Variants in MGMT observed in about 807,000 individuals in gnomAD.
MGMT encodes the protein O-6-methylguanine-DNA methyltransferase, also known as methylated-DNA--protein-cysteine methyltransferase.
MGMT carries 14 observed loss-of-function variants against 15.9 expected under a neutral mutation model. The observed-to-expected ratio is 0.88, with a 90% CI of 0.58 to 1.37. MGMT has a LOEUF of 1.37. MGMT is among the 40% of genes most tolerant of loss of function. The pLI is 0.00. For missense variants in MGMT, 282 were observed against 268.1 expected (o/e 1.05, Z -0.36); for synonymous variants, 130 against 118.2 (o/e 1.10, Z -0.65).
intron 1 of MGMT, among the ~76,000 whole-genome samples, chr10:129,520,884 C>T (rs1279093103): frequency 6.2e-5 from 9 of 144,924 alleles, no homozygotes; most frequent in African/African-American, 1.3e-4. Context: ...CCCTACAGTG[C>T]GGGTGCAGAG....
intron 3 of MGMT, among the ~76,000 whole-genome samples, chr10:129,738,774 A>G (rs1252403951): frequency 6.6e-6 from 1 of 152,246 alleles, no homozygotes; most frequent in Non-Finnish European, 1.5e-5. Context: ...AATGAATAGA[A>G]AAAGAGGGAA....
At chr10:129,489,806 T>C (rs1286210525) in intron 1 of MGMT, among the ~76,000 whole-genome samples, 1 of 152,184 alleles carries the variant, frequency 6.6e-6, no homozygotes, top group African/African-American at 2.4e-5. Flanking sequence ...AATTTTCATG[T>C]CATCTTTAAT....
intron 2 of MGMT, among the ~76,000 whole-genome samples, chr10:129,668,935 C>G (rs1847689895): frequency 6.6e-6 from 1 of 151,286 alleles, no homozygotes; most frequent in African/African-American, 2.4e-5. Flanking sequence ...TAATCTTTCC[C>G]AATCATGACT....
rs556530054 is a variant in MGMT at position 129,759,231 on chromosome 10, CTGCTGAAGGTTG to C, written c.307_318del (p.Leu103_Val106del). The C allele has an allele frequency of 1.1e-4, 178 of 1,614,202 alleles. 3 individuals carry two copies. In the South Asian group the frequency reaches 1.9e-3, roughly 17 times the overall value. ...GTTCACCAGACAGGTGTTATGGAAG[CTGCTGAAGGTTG>C]TGAAATTCGGAGAAGTGATTTCTTA... On this transcript the variant is annotated inframe_deletion, in exon 4 of 5. Coordinates refer to ENST00000651593, the MANE Select transcript of MGMT (RefSeq NM_002412.5).
chr10:129,614,334 C>T (rs933487165), intron 2 of MGMT, among the ~76,000 whole-genome samples: 2 of 152,188 alleles, frequency 1.3e-5, no homozygotes, highest in East Asian at 1.9e-4. Flanking sequence ...CACACCTGAT[C>T]GTCACAAGCC....
intron 2 of MGMT, among the ~76,000 whole-genome samples, chr10:129,652,352 G>A (rs573395382): frequency 8.1e-4 from 123 of 152,306 alleles, no homozygotes; most frequent in Admixed American, 1.9e-3. Context: ...CTTTGACAGC[G>A]AGGTGAGCTG....
chr10:129,684,385 A>G (rs1032832971), intron 2 of MGMT, among the ~76,000 whole-genome samples: 1 of 152,204 alleles, frequency 6.6e-6, no homozygotes, highest in African/African-American at 2.4e-5. Context: ...GGGCCATCCC[A>G]GCACGTGGTA....
chr10:129,713,053 C>T (rs563326345), intron 3 of MGMT, among the ~76,000 whole-genome samples: 2 of 152,170 alleles, frequency 1.3e-5, no homozygotes, highest in South Asian at 2.1e-4. Flanking sequence ...ACATAGATCA[C>T]GGCAGCACGC....
At chr10:129,650,668 A>G (rs1847446938) in intron 2 of MGMT, among the ~76,000 whole-genome samples, 1 of 152,166 alleles carries the variant, frequency 6.6e-6, no homozygotes, top group Non-Finnish European at 1.5e-5. Flanking sequence ...TCTGACAGGG[A>G]TCCTGCTCGA....
At chr10:129,524,518 G>A (rs1845847381) in intron 1 of MGMT, among the ~76,000 whole-genome samples, 1 of 147,206 alleles carries the variant, frequency 6.8e-6, no homozygotes, top group Non-Finnish European at 1.5e-5. Context: ...ATGGCAAGTG[G>A]TAAAGCCTTT....
At chr10:129,562,251 T>C (rs902897489) in intron 2 of MGMT, among the ~76,000 whole-genome samples, 4 of 152,240 alleles carry the variant, frequency 2.6e-5, no homozygotes, top group African/African-American at 7.2e-5. Context: ...AGTCTCTTGA[T>C]AGAGCGTTGA....
chr10:129,507,999 C>A (rs1053722007), intron 1 of MGMT, among the ~76,000 whole-genome samples: 1 of 152,146 alleles, frequency 6.6e-6, no homozygotes, highest in East Asian at 1.9e-4. Context: ...AGGGAGGTGA[C>A]GCCCTTTGTT....
chr10:129,731,896 G>A (rs943834213), intron 3 of MGMT, among the ~76,000 whole-genome samples: 7 of 152,218 alleles, frequency 4.6e-5, no homozygotes, highest in East Asian at 1.9e-4. Context: ...CTGCCTCTGC[G>A]TTTAATCCGT....
chr10:129,722,607 C>G (rs1848384451), intron 3 of MGMT, among the ~76,000 whole-genome samples: 2 of 152,192 alleles, frequency 1.3e-5, no homozygotes, highest in African/African-American at 2.4e-5. Context: ...AATCAAGACA[C>G]TGCAGTAAGG....
chr10:129,470,416 A>G (rs189317468), intron 1 of MGMT, among the ~76,000 whole-genome samples: 48 of 152,338 alleles, frequency 3.2e-4, no homozygotes, highest in African/African-American at 1.1e-3. Flanking sequence ...TACAGCTTAT[A>G]TCGGAGGGCT....
chr10:129,598,236 G>A (rs181930005), intron 2 of MGMT, among the ~76,000 whole-genome samples: 5 of 152,122 alleles, frequency 3.3e-5, no homozygotes, highest in Admixed American at 6.6e-5. Flanking sequence ...TGAATCTGTC[G>A]TGTTTCTCAG....
intron 1 of MGMT, among the ~76,000 whole-genome samples, chr10:129,480,979 G>T (rs1015366444): frequency 6.6e-6 from 1 of 152,208 alleles, no homozygotes; most frequent in African/African-American, 2.4e-5. Context: ...GCTTTGCTGC[G>T]CTTCCCGTTA....
chr10:129,550,412 C>T (rs1846143890), intron 2 of MGMT, among the ~76,000 whole-genome samples: 1 of 151,398 alleles, frequency 6.6e-6, no homozygotes. Flanking sequence ...CAGCCATCAC[C>T]ACCACCCAGC....
intron 2 of MGMT, among the ~76,000 whole-genome samples, chr10:129,698,857 T>C (rs1359640948): frequency 6.6e-6 from 1 of 152,214 alleles, no homozygotes; most frequent in African/African-American, 2.4e-5. Flanking sequence ...ATGTTGCAAA[T>C]GTACATACAG....
Sources: allele counts gnomAD v4.1 joint callset (sites outside exome capture counted in the v4.1 genomes callset), GRCh38; gene constraint gnomAD v4.1.1; transcripts MANE v1.5; gene names NCBI Gene and HGNC (gene_info 2026-07-23, HGNC 2026-07-21).